KDM2B: variants seen among roughly 807,000 people sequenced by gnomAD.
KDM2B encodes the protein lysine demethylase 2B.
A neutral mutation model predicts 150.0 loss-of-function variants in KDM2B; 26 were observed. The ratio of observed to expected loss-of-function variants is 0.17; its 90% confidence interval spans 0.13 to 0.24. The LOEUF is 0.24. Among genes scored for constraint, KDM2B ranks in the 10% least tolerant of loss-of-function variants. The pLI, the probability that KDM2B is intolerant of heterozygous loss-of-function variation, is 1.00. For missense variants in KDM2B, 1,265 were observed against 1,816.9 expected, an observed-to-expected ratio of 0.70 and a Z score of 5.52; for synonymous variants, 734 against 729.5, an observed-to-expected ratio of 1.01 and a Z score of -0.10.
rs1030693639 is a variant in KDM2B at position 121,549,129 on chromosome 12, G to C, written c.577-146C>G. 1.2e-5 allele frequency: 8 copies of C among 662,550 alleles called. No individual in the cohort carries two copies. The Admixed American group carries it at 1.4e-4, about 11-fold the overall frequency. 41.0% of individuals were successfully genotyped at this position (662,550 alleles called of 1,614,324 possible). A position where few individuals can be genotyped will look rare whatever the true frequency, so the allele number is the denominator to read the frequency against. On this transcript the variant is annotated intron_variant, in intron 5 of 22. Coordinates refer to ENST00000377071, the MANE Select transcript of KDM2B (RefSeq NM_032590.5). The surrounding 1 kb of genome is among the most constrained non-coding windows in gnomAD (Gnocchi z 4.4). ...CCCAACATGGGAGGAAGGAAGGGCA[G>C]GGATGACAGGACCCACACTTTGTAG... is the stretch of plus-strand genomic sequence containing the variant.
At chr12:121,482,346 C>CA (rs1273450283) in intron 12 of KDM2B, among the ~76,000 whole-genome samples, 2 of 152,014 alleles carry the variant, frequency 1.3e-5, no homozygotes, top group Admixed American at 1.3e-4. Flanking sequence ...GCTCTATCAC[C>CA]AGGCTGGATC....
In KDM2B at chr12:121,533,846, G is replaced by A. The variant is rs1887861942; in HGVS notation, c.777+651C>T. On this transcript the variant is annotated intron_variant, in intron 7 of 22. Transcript: ENST00000377071. This position sits in a 1 kb window ranked among gnomAD's most constrained non-coding sequence, Gnocchi z 4.1. ...GAAGCGACCCTGGGCCAGGAGCCAT[G>A]GCCCACGCCTACAATCCCAGCACTT... Among the ~76,000 whole-genome samples the A allele has an allele frequency of 6.6e-6, 1 of 152,202 alleles. No homozygotes were observed. The highest frequency in any genetic ancestry group is 6.5e-5 in the Admixed American group (1 of 15,274).
In KDM2B at chr12:121,549,352, G is replaced by T; in HGVS notation, c.576+108C>A. 9.5e-7 allele frequency: 1 copy of T among 1,050,976 alleles called. No individual in the cohort carries two copies. Among genetic ancestry groups the T allele is most frequent in the Non-Finnish European group, 1.4e-6 (1 of 722,764 alleles). 65.1% of individuals were successfully genotyped at this position (1,050,976 alleles called of 1,614,324 possible). On this transcript the variant is annotated intron_variant, in intron 5 of 22. Transcript: ENST00000377071. The surrounding 1 kb of genome is among the most constrained non-coding windows in gnomAD (Gnocchi z 4.4). ...CCCCTATGCCTGCCAAGCCCAGCCA[G>T]CCACACCCACATGAGCCTTTTTGCA...
chr12:121,431,872 C>CTT (rs1314720348), intron 22 of KDM2B, among the ~76,000 whole-genome samples: 3 of 118,254 alleles, frequency 2.5e-5, no homozygotes, highest in African/African-American at 6.7e-5. Context: ...GGGTTTTTTT[C>CTT]TTTTTTCTTT....
chr12:121,581,237 C>T (rs782436257), upstream of KDM2B: 1 of 259,246 alleles, frequency 3.9e-6, no homozygotes, highest in Non-Finnish European at 7.4e-6. Flanking sequence ...CTGGCGCCTC[C>T]TAACGCAGCC....
intron 9 of KDM2B, chr12:121,516,566 A>T (rs1886214357): frequency 7.0e-7 from 1 of 1,430,122 alleles, no homozygotes; most frequent in South Asian, 1.3e-5. Flanking sequence ...TTGTTGACAG[A>T]CTCGGAGCCT....
chr12:121,578,256 T>A (rs1377248165), intron 2 of KDM2B, among the ~76,000 whole-genome samples: 1 of 152,136 alleles, frequency 6.6e-6, no homozygotes, highest in African/African-American at 2.4e-5. Flanking sequence ...GCAGAGCCCA[T>A]GGGGGAATGC....
At chr12:121,435,285 T>C (rs1460354516) in intron 22 of KDM2B, among the ~76,000 whole-genome samples, 1 of 152,268 alleles carries the variant, frequency 6.6e-6, no homozygotes, top group African/African-American at 2.4e-5. Flanking sequence ...TTTTATATTA[T>C]GTATTATTTT....
chr12:121,549,541 G>A lies in KDM2B; in HGVS notation c.495C>T (p.Ala165=). The change falls in exon 5 of 23, where the codon GCC becomes GCT. Residue 165 remains alanine, a synonymous_variant. Transcript: ENST00000377071. The surrounding 1 kb of genome is among the most constrained non-coding windows in gnomAD (Gnocchi z 4.4). The stretch of plus-strand genomic sequence containing the variant: ...TGACGTTGTACAGCTTGTCCCGCTG[G>A]GCCTCGGGCGTCTCGTAGTAACGCA... ...QFVRYYETPE[A]QRDKLYNVIS... 2.5e-6 allele frequency: 4 copies of A among 1,613,530 alleles called. No individual in the cohort carries two copies. In the South Asian group the frequency reaches 4.4e-5, roughly 18 times the overall value.
chr12:121,517,750 C>T (rs925589213), intron 9 of KDM2B, among the ~76,000 whole-genome samples: 5 of 151,302 alleles, frequency 3.3e-5, no homozygotes, highest in Admixed American at 6.6e-5. Flanking sequence ...GGATTATAGG[C>T]GTCAGCCACC....
At chr12:121,560,978 A>T (rs1890297448) in intron 4 of KDM2B, among the ~76,000 whole-genome samples, 1 of 152,278 alleles carries the variant, frequency 6.6e-6, no homozygotes, top group African/African-American at 2.4e-5. Context: ...AGTGGGTTAC[A>T]GGAGAAATTT....
intron 12 of KDM2B, among the ~76,000 whole-genome samples, chr12:121,479,530 TA>T (rs1793959677): frequency 6.6e-6 from 1 of 151,728 alleles, no homozygotes; most frequent in African/African-American, 2.4e-5. Context: ...GTGTCCCAGC[TA>T]CTTGGAAAGC....
In KDM2B at chr12:121,567,969, T is replaced by G. The variant is rs57384677; in HGVS notation, c.397+6578A>C. Among the ~76,000 whole-genome samples, 316 of 152,102 alleles carry G rather than the reference T, an allele frequency of 2.1e-3. 2 individuals are homozygous for G. The highest frequency in any genetic ancestry group is 6.9e-3 in the African/African-American group (285 of 41,510). ...ATCTAGAACTTCTGACCTTAGGTGA[T>G]CCGCCCACCTCAGCCTCCCAAAGTG... On this transcript the variant is annotated intron_variant, in intron 4 of 22. Coordinates refer to ENST00000377071, the MANE Select transcript of KDM2B (RefSeq NM_032590.5).
chr12:121,511,692 G>C (rs1183130721), intron 10 of KDM2B, among the ~76,000 whole-genome samples: 1 of 152,172 alleles, frequency 6.6e-6, no homozygotes, highest in South Asian at 2.1e-4. Context: ...TCTGTGAATA[G>C]ACTAAAAACC....
At chr12:121,445,019 T>C in intron 14 of KDM2B, 1 of 502,328 alleles carries the variant, frequency 2.0e-6, no homozygotes, top group Non-Finnish European at 3.6e-6. Context: ...TGCCATCTGC[T>C]GAGGCTCTGG....
intron 8 of KDM2B, 86 bp downstream of exon 8, chr12:121,532,720 G>A (rs922677018): frequency 1.4e-6 from 2 of 1,430,748 alleles, no homozygotes; most frequent in African/African-American, 2.8e-5. Flanking sequence ...AACCCACCAG[G>A]CCCAGAGCAA....
chr12:121,455,471 G>A (rs1555292541), intron 12 of KDM2B, among the ~76,000 whole-genome samples: 1 of 152,218 alleles, frequency 6.6e-6, no homozygotes, highest in Non-Finnish European at 1.5e-5. Flanking sequence ...CAGCATGCTG[G>A]GGTCTGAGGT....
the KDM2B span, chr12:121,418,242 T>C: frequency 4.0e-6 from 1 of 249,868 alleles, no homozygotes; most frequent in Non-Finnish European, 7.7e-6. Context: ...TGTAGTGTTA[T>C]GTGTTAGTGC....
chr12:121,578,359 C>A (rs1397164805), intron 2 of KDM2B, among the ~76,000 whole-genome samples: 2 of 152,156 alleles, frequency 1.3e-5, no homozygotes, highest in Admixed American at 6.5e-5. Flanking sequence ...CAAGCGGGAA[C>A]GGGATTGGGA....
Sources: allele counts gnomAD v4.1 joint callset (sites outside exome capture counted in the v4.1 genomes callset), GRCh38; gene constraint gnomAD v4.1.1; non-coding constraint Gnocchi (gnomAD v3.1); transcripts MANE v1.5; gene names NCBI Gene and HGNC (gene_info 2026-07-23, HGNC 2026-07-21).